FAM3B: variants seen among roughly 807,000 people sequenced by gnomAD.
FAM3B encodes protein FAM3B.
FAM3B carries 29 observed loss-of-function variants against 28.4 expected under a neutral mutation model. The observed-to-expected ratio is 1.02, with a 90% CI of 0.76 to 1.39. The LOEUF is 1.39. Ranked by LOEUF, FAM3B falls within the 40% of genes most tolerant of loss-of-function variation. The pLI is 0.00. For synonymous variants in FAM3B, 91 were observed against 103.0 expected (o/e 0.88, Z 0.71); for missense variants, 266 against 293.9 (o/e 0.91, Z 0.69).
intron 1 of FAM3B, chr21:41,320,797 G>A (rs1241088368): frequency 1.3e-5 from 2 of 152,198 alleles, no homozygotes; most frequent in African/African-American, 4.8e-5. Context: ...GTCCTGAAAA[G>A]TGTCCCGGAA....
intron 1 of FAM3B, chr21:41,322,644 G>T (rs755303530): frequency 1.9e-5 from 14 of 717,968 alleles, no homozygotes; most frequent in Middle Eastern, 4.5e-4. Flanking sequence ...TGACATAAAC[G>T]TTCAAGGACG....
intron 6 of FAM3B, 129 bp from the exon 7 acceptor site, chr21:41,348,463 C>T (rs2089084159): frequency 9.9e-7 from 1 of 1,006,290 alleles, no homozygotes. Flanking sequence ...GTGTCATGCA[C>T]TGCAGCAGGA....
chr21:41,334,225 G>A (rs1217256722), intron 2 of FAM3B, among the ~76,000 whole-genome samples: 1 of 152,238 alleles, frequency 6.6e-6, no homozygotes, highest in African/African-American at 2.4e-5. Context: ...GTTTTCACAG[G>A]AGGAATTCAA....
chr21:41,330,863 A>T (rs1373437251), intron 2 of FAM3B, among the ~76,000 whole-genome samples: 2 of 152,194 alleles, frequency 1.3e-5, no homozygotes, highest in African/African-American at 4.8e-5. Flanking sequence ...ACATAGATTG[A>T]TTCTGTATTT....
At chr21:41,332,591 T>G (rs1209047627) in intron 2 of FAM3B, among the ~76,000 whole-genome samples, 1 of 152,196 alleles carries the variant, frequency 6.6e-6, no homozygotes, top group Non-Finnish European at 1.5e-5. Flanking sequence ...AGTTTGAAAT[T>G]GATTGGTATT....
At chr21:41,333,984 A>G (rs961265648) in intron 2 of FAM3B, among the ~76,000 whole-genome samples, 3 of 152,194 alleles carry the variant, frequency 2.0e-5, no homozygotes, top group African/African-American at 7.2e-5. Context: ...TGTGCCCCTG[A>G]CCTAGGGATC....
rs1044787467 is a variant in FAM3B at position 41,326,383 on chromosome 21, C to T, written c.163+3317C>T. Among the ~76,000 whole-genome samples, 1 of 152,176 alleles carries T rather than the reference C, an allele frequency of 6.6e-6. No individual in the cohort carries two copies. The highest frequency in any genetic ancestry group is 1.5e-5 in the Non-Finnish European group (1 of 68,030). ...TTTAAATGACACATGGGTTCCCTGC[C>T]CACTCCCAGGCCCTGTGAGGAAACA... On this transcript the variant is annotated intron_variant, in intron 2 of 7. Coordinates refer to ENST00000357985, the MANE Select transcript of FAM3B (RefSeq NM_058186.4). This position sits in a 1 kb window ranked among gnomAD's most constrained non-coding sequence, Gnocchi z 4.0.
At chr21:41,313,306 C>T (rs1287099742), upstream of FAM3B, among the ~76,000 whole-genome samples, 3 of 152,182 alleles carry the variant, frequency 2.0e-5, no homozygotes, top group African/African-American at 7.2e-5. Context: ...TGTATATTCA[C>T]CAAGATAAAT....
intron 1 of FAM3B, among the ~76,000 whole-genome samples, chr21:41,308,791 G>A (rs144389513): frequency 1.6e-4 from 25 of 152,114 alleles, no homozygotes; most frequent in African/African-American, 5.3e-4. Flanking sequence ...CGCCTGCCTC[G>A]GTTTTTCACA....
chr21:41,348,825 A>G, intron 7 of FAM3B, 101 bp downstream of exon 7: 1 of 1,316,896 alleles, frequency 7.6e-7, no homozygotes. Context: ...TCCAAACATA[A>G]GAGTTGTGTC....
Position 41,317,647 on chromosome 21 carries a change from T to G in FAM3B, c.19+749T>G, listed in dbSNP as rs191596616. Among the ~76,000 whole-genome samples, 30 of 152,222 alleles carry G rather than the reference T, an allele frequency of 2.0e-4. No homozygotes were observed. The East Asian group carries it at 5.8e-3, about 29-fold the overall frequency. On this transcript the variant is annotated intron_variant, in intron 1 of 7. Transcript: ENST00000357985. ...TCCTCCTGGAGCGACGTAGCCTGGC[T>G]GTGTAAAATGGCAGGTTCAGAAGTG...
At chr21:41,311,252 ATATAT>A (rs1205772554) in intron 1 of FAM3B, among the ~76,000 whole-genome samples, 580 of 21,442 alleles carry the variant, frequency 0.027, 3 homozygotes, top group Admixed American at 0.054. Flanking sequence ...AAAAAAAAAA[ATATAT>A]ATATATATAT....
chr21:41,337,730 G>A (rs530952892), intron 2 of FAM3B, among the ~76,000 whole-genome samples: 1 of 151,910 alleles, frequency 6.6e-6, no homozygotes, highest in African/African-American at 2.4e-5. Context: ...TGGTGTGCAT[G>A]CGTGTGTGGT....
rs1468947568 is a variant in FAM3B, at chr21:41,330,822, ATTTTCC to A, written c.164-7553_164-7548del. On this transcript the variant is annotated intron_variant, in intron 2 of 7. Coordinates refer to ENST00000357985, the MANE Select transcript of FAM3B (RefSeq NM_058186.4). ...TCTATTGTGCACTCTGTTATACCAC[ATTTTCC>A]TTATTCATTCATTCATCGATGGGCA... is the stretch of plus-strand genomic sequence containing the variant. Among the ~76,000 whole-genome samples the A allele has an allele frequency of 3.9e-5, 6 of 152,160 alleles. No homozygotes were observed. The East Asian group carries it at 7.7e-4, about 20-fold the overall frequency.
At chr21:41,320,049 A>C (rs1192572156) in intron 1 of FAM3B, 1 of 152,140 alleles carries the variant, frequency 6.6e-6, no homozygotes, top group Non-Finnish European at 1.5e-5. Flanking sequence ...CCAAGGAGAG[A>C]GGCTCAGAGG....
chr21:41,328,138 G>A (rs1471828809), intron 2 of FAM3B, among the ~76,000 whole-genome samples: 1 of 152,200 alleles, frequency 6.6e-6, no homozygotes, highest in Non-Finnish European at 1.5e-5. Flanking sequence ...AAAGTGGACA[G>A]GTCTGTGCGC....
Position 41,344,468 on chromosome 21 carries a change from C to T in FAM3B, c.288-8C>T, listed in dbSNP as rs139543969. On this transcript the variant is annotated splice_polypyrimidine_tract_variant and splice_region_variant and intron_variant, in intron 3 of 7. Transcript: ENST00000357985. ...TTGGTACTTGACTAATGCTTAGCTC[C>T]ATTTCAGACTTATGGGAGAACAGCT... The T allele has an allele frequency of 1.6e-5, 26 of 1,613,866 alleles. No homozygotes were observed. In the East Asian group the frequency reaches 5.8e-4, roughly 36 times the overall value.
intron 4 of FAM3B, 95 bp from the exon 5 acceptor site, chr21:41,345,591 C>T (rs1167288582): frequency 2.9e-6 from 2 of 697,200 alleles, no homozygotes; most frequent in Admixed American, 3.2e-5. Flanking sequence ...TGGAGATAGA[C>T]AGGGAAGAAA....
At chr21:41,305,602 TACAA>T (rs2088679054) in intron 1 of FAM3B, among the ~76,000 whole-genome samples, 1 of 152,258 alleles carries the variant, frequency 6.6e-6, no homozygotes, top group South Asian at 2.1e-4. Flanking sequence ...AAGTGTGTCA[TACAA>T]ACATTCTGGT....
Sources: gnomAD v4.1 joint callset for allele counts (sites outside exome capture counted in the v4.1 genomes callset) on GRCh38, gnomAD v4.1.1 for gene constraint, Gnocchi (gnomAD v3.1) non-coding constraint, MANE v1.5 for transcripts, NCBI Gene and HGNC (gene_info 2026-07-23, HGNC 2026-07-21) for gene names.